PTPRD: variants seen among roughly 807,000 people sequenced by gnomAD.
PTPRD encodes protein tyrosine phosphatase receptor type D.
Under a neutral mutation model 214.5 loss-of-function variants are expected in PTPRD, and 34 were observed. That is an observed-to-expected ratio of 0.16 (90% CI 0.12 to 0.21). PTPRD has a LOEUF of 0.21. Ranked by LOEUF, PTPRD falls within the 10% of genes least tolerant of loss-of-function variation. The pLI is 1.00. For missense variants in PTPRD, 2,545 were observed against 2,398.7 expected (o/e 1.06, Z -1.27); for synonymous variants, 1,128 against 845.7 (o/e 1.33, Z -5.79).
At chr9:10,010,857 C>T (rs941028958) in intron 4 of PTPRD, among the ~76,000 whole-genome samples, 2 of 151,714 alleles carry the variant, frequency 1.3e-5, no homozygotes, top group Non-Finnish European at 2.9e-5. Context: ...TATGTCTTTG[C>T]ATTCAAACCA....
intron 9 of PTPRD, among the ~76,000 whole-genome samples, chr9:9,248,021 A>C (rs755417937): frequency 7.9e-5 from 12 of 152,022 alleles, no homozygotes; most frequent in Admixed American, 4.6e-4. Context: ...CTTGCAGTAC[A>C]CTGTAGGTAT....
At chr9:8,564,221 T>G (rs2087842131) in intron 14 of PTPRD, among the ~76,000 whole-genome samples, 2 of 152,180 alleles carry the variant, frequency 1.3e-5, no homozygotes, top group Non-Finnish European at 2.9e-5. Context: ...ATTCTAAGCA[T>G]GTTTAAAATT....
intron 8 of PTPRD, among the ~76,000 whole-genome samples, chr9:9,462,992 C>A (rs2093799930): frequency 6.6e-6 from 1 of 152,120 alleles, no homozygotes; most frequent in Admixed American, 6.6e-5. Context: ...ACTGAACTGA[C>A]TACCAAAAGT....
intron 2 of PTPRD, among the ~76,000 whole-genome samples, chr9:10,392,209 A>AT (rs1276584418): frequency 6.6e-6 from 1 of 152,014 alleles, no homozygotes; most frequent in Non-Finnish European, 1.5e-5. Context: ...TATAGCAAAG[A>AT]TATAATCATG....
intron 35 of PTPRD, among the ~76,000 whole-genome samples, chr9:8,422,344 GA>G (rs2094426092): frequency 6.6e-6 from 1 of 151,814 alleles, no homozygotes; most frequent in Non-Finnish European, 1.5e-5. Context: ...TTCTCACATA[GA>G]AAAACAAACA....
At chr9:9,480,844 T>C (rs1320990992) in intron 8 of PTPRD, among the ~76,000 whole-genome samples, 1 of 152,104 alleles carries the variant, frequency 6.6e-6, no homozygotes, top group Non-Finnish European at 1.5e-5. Flanking sequence ...CTGTCTCTGA[T>C]ATCATATTTG....
chr9:9,075,880 T>G (rs927798505), intron 10 of PTPRD, among the ~76,000 whole-genome samples: 5 of 152,208 alleles, frequency 3.3e-5, no homozygotes, highest in African/African-American at 1.2e-4. Flanking sequence ...TACGTGTGCA[T>G]GTGTCTTTAT....
At chr9:9,463,459 A>G (rs563251641) in intron 8 of PTPRD, among the ~76,000 whole-genome samples, 49 of 152,072 alleles carry the variant, frequency 3.2e-4, no homozygotes, top group Non-Finnish European at 5.4e-4. Context: ...TGAGCAAGCA[A>G]GCACATATGA....
At chr9:10,375,671 C>T (rs2097714142) in intron 2 of PTPRD, among the ~76,000 whole-genome samples, 1 of 151,952 alleles carries the variant, frequency 6.6e-6, no homozygotes, top group African/African-American at 2.4e-5. Flanking sequence ...CCATAATCCC[C>T]AATGAATAAT....
intron 4 of PTPRD, among the ~76,000 whole-genome samples, chr9:9,945,099 T>C (rs1020989367): frequency 2.4e-4 from 36 of 152,132 alleles, no homozygotes; most frequent in African/African-American, 8.0e-4. Context: ...AGTATAACTG[T>C]ATAGTTTTAG....
At chr9:9,400,320 TC>T (rs942229905) in intron 8 of PTPRD, among the ~76,000 whole-genome samples, 2 of 151,762 alleles carry the variant, frequency 1.3e-5, no homozygotes, top group Non-Finnish European at 2.9e-5. Flanking sequence ...TAAGATACTC[TC>T]CCCAGAGAGA....
intron 5 of PTPRD, among the ~76,000 whole-genome samples, chr9:9,869,815 C>T (rs749671929): frequency 1.3e-5 from 2 of 151,390 alleles, no homozygotes; most frequent in African/African-American, 2.4e-5. Flanking sequence ...AGGAGACATG[C>T]AACATGGAGA....
At chr9:8,866,254 T>A (rs946619085) in intron 11 of PTPRD, among the ~76,000 whole-genome samples, 3 of 152,196 alleles carry the variant, frequency 2.0e-5, no homozygotes, top group Non-Finnish European at 4.4e-5. Context: ...TGTTAGTGCT[T>A]GTTTTATAAA....
chr9:10,375,261 T>A (rs553164034), intron 2 of PTPRD, among the ~76,000 whole-genome samples: 1 of 152,056 alleles, frequency 6.6e-6, no homozygotes, highest in African/African-American at 2.4e-5. Context: ...ATGCTTAAAA[T>A]TATATACAGA....
At chr9:10,360,963 G>A (rs35476806) in intron 2 of PTPRD, among the ~76,000 whole-genome samples, 5,267 of 151,764 alleles carry the variant, frequency 0.035, 117 homozygotes, top group South Asian at 0.057. Context: ...TTAGCCGGGC[G>A]TGGTGCCGGG....
At chr9:8,809,930 A>C (rs986482478) in intron 11 of PTPRD, among the ~76,000 whole-genome samples, 5 of 152,322 alleles carry the variant, frequency 3.3e-5, no homozygotes, top group South Asian at 2.1e-4. Context: ...ATAAGAGATA[A>C]GCTCCAATTT....
intron 2 of PTPRD, among the ~76,000 whole-genome samples, chr9:10,385,933 A>T (rs969513649): frequency 1.3e-5 from 2 of 151,886 alleles, no homozygotes; most frequent in African/African-American, 4.8e-5. Context: ...CTAGCAAAAA[A>T]TCACATATTC....
At chr9:9,292,838 T>G (rs1436166979) in intron 9 of PTPRD, among the ~76,000 whole-genome samples, 1 of 147,436 alleles carries the variant, frequency 6.8e-6, no homozygotes, top group Non-Finnish European at 1.5e-5. Context: ...GGGAATTTTC[T>G]GAGCTTTTTT....
At chr9:8,935,537 T>C (rs7846775) in intron 11 of PTPRD, among the ~76,000 whole-genome samples, 7,408 of 152,214 alleles carry the variant, frequency 0.049, 598 homozygotes, top group African/African-American at 0.17. Flanking sequence ...TACTACCTTT[T>C]TTCATGCCTT....
Sources: gnomAD v4.1 joint callset for allele counts (sites outside exome capture counted in the v4.1 genomes callset) on GRCh38, gnomAD v4.1.1 for gene constraint, MANE v1.5 for transcripts, NCBI Gene and HGNC (gene_info 2026-07-23, HGNC 2026-07-21) for gene names.